The following FHL2 variants were observed in gnomAD, a reference collection of about 807,000 sequenced individuals.
The protein encoded by FHL2 is four and a half LIM domains protein 2.
FHL2 carries 20 observed loss-of-function variants against 32.7 expected under a neutral mutation model. The ratio of observed to expected loss-of-function variants is 0.61; its 90% CI spans 0.43 to 0.89. FHL2 has a LOEUF of 0.89. FHL2 is among the 40% of genes least tolerant of loss of function. The pLI, the probability that FHL2 is intolerant of heterozygous loss-of-function variation, is 0.00. For missense variants in FHL2, 311 were observed against 358.6 expected (o/e 0.87, Z 1.07); for synonymous variants, 123 against 128.1 (o/e 0.96, Z 0.27).
chr2:105,363,456 C>G lies in FHL2; in HGVS notation c.517G>C (p.Gly173Arg). Residue 173 changes from glycine (G) to arginine (R), a missense_variant, in exon 6 of 7, where the codon GGG becomes CGG. Gly to Arg is a moderately radical substitution (Grantham distance 125). Transcript: ENST00000530340. ...VQCKKPITTG[G>R]VTYREQPWHK... Reference sequence around the variant, plus strand: ...CAGGGCTGCTCCCGGTAAGTGACCCCTCCCGTGGTGATGGGCTGCAGGGAC... The same window carrying G: ...CAGGGCTGCTCCCGGTAAGTGACCCGTCCCGTGGTGATGGGCTGCAGGGAC... The G allele has an allele frequency of 1.2e-6, 2 of 1,609,504 alleles. No homozygotes were observed. The highest frequency in any genetic ancestry group is 2.2e-5 in the East Asian group (1 of 44,756).
chr2:105,432,789 A>G (rs200343920), intron 1 of FHL2, among the ~76,000 whole-genome samples: 326 of 152,364 alleles, frequency 2.1e-3, no homozygotes, highest in African/African-American at 7.0e-3. Context: ...TTAAGCATAC[A>G]TTATCATCAA....
chr2:105,374,183 G>A (rs1015333116), intron 3 of FHL2: 2 of 237,748 alleles, frequency 8.4e-6, no homozygotes, highest in Non-Finnish European at 1.7e-5. Context: ...TCTGGGTGTC[G>A]GGATGTTCAC....
At chr2:105,399,162 G>GC, upstream of FHL2, 3 of 1,358,806 alleles carry the variant, frequency 2.2e-6, no homozygotes, top group South Asian at 1.9e-5. Flanking sequence ...GGGGGCGGGC[G>GC]CCCCCAGGCC....
chr2:105,425,594 T>C (rs1187678042), intron 1 of FHL2, among the ~76,000 whole-genome samples: 1 of 151,932 alleles, frequency 6.6e-6, no homozygotes, highest in Non-Finnish European at 1.5e-5. Context: ...TAAAACCCGA[T>C]TGTACATTTG....
intron 1 of FHL2, chr2:105,438,373 G>A: frequency 1.0e-6 from 1 of 985,650 alleles, no homozygotes; most frequent in Non-Finnish European, 1.2e-6. Flanking sequence ...GTGAGAGAAG[G>A]GCACAGGGGA....
At chr2:105,385,728 G>A (rs548729001) in intron 3 of FHL2, among the ~76,000 whole-genome samples, 3 of 152,292 alleles carry the variant, frequency 2.0e-5, no homozygotes, top group South Asian at 2.1e-4. Context: ...GCTGAGAAGC[G>A]CAGGTCAGGG....
chr2:105,359,813 C>T (rs904869656), downstream of FHL2: 2 of 152,150 alleles, frequency 1.3e-5, no homozygotes, highest in African/African-American at 4.8e-5. Flanking sequence ...AACAGGATGT[C>T]GTCTCTGGCC....
intron 3 of FHL2, chr2:105,378,667 C>G (rs978464595): frequency 6.4e-6 from 1 of 155,664 alleles, no homozygotes; most frequent in Non-Finnish European, 1.4e-5. Context: ...CGCAACGTTT[C>G]TCTCAGCCTA....
At chr2:105,370,847 CA>C (rs1681013137) in intron 4 of FHL2, among the ~76,000 whole-genome samples, 1 of 152,148 alleles carries the variant, frequency 6.6e-6, no homozygotes, top group East Asian at 1.9e-4. Context: ...TGAAGCCATC[CA>C]ACCCAGGGAA....
chr2:105,414,818 G>A (rs1037523024), intron 1 of FHL2, among the ~76,000 whole-genome samples: 1 of 152,198 alleles, frequency 6.6e-6, no homozygotes, highest in African/African-American at 2.4e-5. Flanking sequence ...CTCTCAAAGT[G>A]CTAAGATTAC....
Position 105,425,210 on chromosome 2 carries a change from C to A in FHL2, c.-25+13189G>T, listed in dbSNP as rs943897736. 2.2e-5 allele frequency among the ~76,000 whole-genome samples: 3 copies of A among 136,684 alleles called. No individual in the cohort carries two copies. In the South Asian group the frequency reaches 7.5e-4, roughly 34 times the overall value. 89.7% of individuals were successfully genotyped at this position (136,684 alleles called of 152,430 possible). On this transcript the variant is annotated intron_variant, in intron 1 of 5. Coordinates refer to the FHL2 transcript ENST00000393352. The stretch of plus-strand genomic sequence containing the variant: ...TGACCCAACTTGGAGCTCACAAAAA[C>A]ATGTGTTGTATAAAATCAAGGTTTT...
intron 3 of FHL2, among the ~76,000 whole-genome samples, chr2:105,381,748 G>A (rs1573329243): frequency 6.6e-6 from 1 of 152,162 alleles, no homozygotes; most frequent in South Asian, 2.1e-4. Context: ...AAACTCTGTG[G>A]ACAAATTCTA....
At chr2:105,394,080 G>T (rs1428212285) in intron 2 of FHL2, among the ~76,000 whole-genome samples, 1 of 152,180 alleles carries the variant, frequency 6.6e-6, no homozygotes, top group South Asian at 2.1e-4. Context: ...AAAGGCACGG[G>T]ACTCTCACAC....
chr2:105,368,788 A>AT (rs1680817894), intron 4 of FHL2, among the ~76,000 whole-genome samples: 1 of 152,234 alleles, frequency 6.6e-6, no homozygotes, highest in African/African-American at 2.4e-5. Context: ...AGTACCCTTC[A>AT]TATAAAGCAA....
rs982927111 is a variant in FHL2 at position 105,396,710 on chromosome 2, C to A, written c.-75-13G>T. The stretch of plus-strand genomic sequence containing the variant: ...CAGTTCTCAGCCACTAGAGAAAGCA[C>A]ACGTGTTTTGTTTCAGATGGTCATC... On this transcript the variant is annotated splice_polypyrimidine_tract_variant and intron_variant, in intron 1 of 6. Coordinates refer to ENST00000530340, the MANE Select transcript of FHL2 (RefSeq NM_001318895.3). The A allele has an allele frequency of 1.9e-6, 3 of 1,612,422 alleles. No homozygotes were observed. The highest frequency in any genetic ancestry group is 1.6e-4 in the Middle Eastern group (1 of 6,062).
chr2:105,400,357 G>A (rs921128683), upstream of FHL2, among the ~76,000 whole-genome samples: 4 of 152,110 alleles, frequency 2.6e-5, no homozygotes, highest in African/African-American at 9.7e-5. Context: ...TAGATGTGCG[G>A]AATACAGCCC....
At chr2:105,362,815 T>C (rs746847167) in intron 6 of FHL2, among the ~76,000 whole-genome samples, 9 of 152,224 alleles carry the variant, frequency 5.9e-5, no homozygotes, top group African/African-American at 2.2e-4. Flanking sequence ...GAATACAATA[T>C]GAAAAACTCC....
intron 1 of FHL2, among the ~76,000 whole-genome samples, chr2:105,421,005 C>T (rs1233702926): frequency 6.6e-6 from 1 of 152,174 alleles, no homozygotes; most frequent in Non-Finnish European, 1.5e-5. Context: ...GGGGCTCCAT[C>T]CACACCATGA....
At chr2:105,368,157 G>A (rs537359242) in intron 4 of FHL2, among the ~76,000 whole-genome samples, 7 of 152,214 alleles carry the variant, frequency 4.6e-5, no homozygotes, top group South Asian at 2.1e-4. Flanking sequence ...TGAACACCCC[G>A]TCTGGTTCAC....
Sources: gnomAD v4.1 joint callset for allele counts (sites outside exome capture counted in the v4.1 genomes callset) on GRCh38, gnomAD v4.1.1 for gene constraint, MANE v1.5 for transcripts, NCBI Gene and HGNC (gene_info 2026-07-23, HGNC 2026-07-21) for gene names.